The following MIGA1 variants were observed in gnomAD, a reference collection of about 807,000 sequenced individuals.
The protein encoded by MIGA1 is mitoguardin 1, also known as family with sequence similarity 73, member A.
A neutral mutation model predicts 82.0 loss-of-function variants in MIGA1; 58 were observed. The observed-to-expected ratio is 0.71, with a 90% CI of 0.57 to 0.88. The LOEUF is 0.88. Ranked by LOEUF, MIGA1 falls within the 40% of genes least tolerant of loss-of-function variation. The pLI, the probability that MIGA1 is intolerant of heterozygous loss-of-function variation, is 0.00. For missense variants in MIGA1, 751 were observed against 749.1 expected (o/e 1.00, Z -0.03); for synonymous variants, 249 against 253.6 (o/e 0.98, Z 0.17).
chr1:77,780,808 G>T (rs1681872443), intron 1 of MIGA1, among the ~76,000 whole-genome samples: 1 of 150,924 alleles, frequency 6.6e-6, no homozygotes, highest in Non-Finnish European at 1.5e-5. Flanking sequence ...AATGAATAAT[G>T]ATTAGGTTTG....
At chr1:77,801,133 A>G (rs1373563909) in intron 2 of MIGA1, among the ~76,000 whole-genome samples, 198 bp from the exon 3 acceptor site, 1 of 152,214 alleles carries the variant, frequency 6.6e-6, no homozygotes, top group Admixed American at 6.5e-5. Context: ...TCTTCAGAGT[A>G]GTGAGTAATA....
At chr1:77,814,529 TG>T in intron 6 of MIGA1, among the ~76,000 whole-genome samples, 1 of 152,340 alleles carries the variant, frequency 6.6e-6, no homozygotes, top group East Asian at 1.9e-4. Context: ...CCCAAGCAGC[TG>T]GGACTGCAGG....
rs938962617 is a variant in MIGA1, at chr1:77,871,454, A to G, written c.1564-1550A>G. Among the ~76,000 whole-genome samples, 48 of 151,976 alleles carry G rather than the reference A, an allele frequency of 3.2e-4. 1 individual carries two copies. Among genetic ancestry groups the G allele is most frequent in the Non-Finnish European group, 1.0e-4 (7 of 67,970 alleles). On this transcript the variant is annotated intron_variant, in intron 14 of 15. Coordinates refer to ENST00000370791, the MANE Select transcript of MIGA1 (RefSeq NM_198549.4). ...GAGGCAGAGGTTGCAGTGAGCCAAG[A>G]TGGTGCCACTGCACTCCAGCCTGGG...
intron 14 of MIGA1, among the ~76,000 whole-genome samples, chr1:77,868,906 AC>A (rs1282807225): frequency 6.6e-6 from 1 of 151,632 alleles, no homozygotes. Context: ...TTAAATAGAA[AC>A]TAGCACATTT....
chr1:77,809,742 A>G (rs1045517505), intron 5 of MIGA1, among the ~76,000 whole-genome samples: 1 of 142,098 alleles, frequency 7.0e-6, no homozygotes, highest in Non-Finnish European at 1.5e-5. Flanking sequence ...ATTGGTTTTT[A>G]TGTGCATAAA....
chr1:77,814,549 A>G (rs1368009945), intron 6 of MIGA1, among the ~76,000 whole-genome samples: 2 of 151,964 alleles, frequency 1.3e-5, no homozygotes, highest in Non-Finnish European at 2.9e-5. Flanking sequence ...GGCACATTCT[A>G]CCTTGTCTGG....
chr1:77,842,838 G>C (rs1046713329), intron 7 of MIGA1, among the ~76,000 whole-genome samples: 1 of 152,160 alleles, frequency 6.6e-6, no homozygotes, highest in Admixed American at 6.5e-5. Flanking sequence ...CACTGCACCC[G>C]GCCGTGAATT....
intron 5 of MIGA1, among the ~76,000 whole-genome samples, chr1:77,812,195 G>A (rs568843591): frequency 3.3e-5 from 5 of 152,240 alleles, no homozygotes; most frequent in African/African-American, 1.2e-4. Flanking sequence ...GAGGCTGGGT[G>A]TGGTGGCTCA....
chr1:77,872,891 A>G, intron 14 of MIGA1, 113 bp from the exon 15 acceptor site: 1 of 1,416,426 alleles, frequency 7.1e-7, no homozygotes, highest in Non-Finnish European at 9.7e-7. Context: ...TAAAAAACAA[A>G]TTTTCTTAAA....
At chr1:77,808,057 T>G (rs1042857987) in intron 5 of MIGA1, among the ~76,000 whole-genome samples, 5 of 151,994 alleles carry the variant, frequency 3.3e-5, no homozygotes, top group Admixed American at 6.6e-5. Context: ...TGAGCTCAGT[T>G]GATTTACCCG....
At chr1:77,864,084 G>T in intron 13 of MIGA1, 56 bp downstream of exon 13, 11 of 1,572,322 alleles carry the variant, frequency 7.0e-6, no homozygotes, top group Non-Finnish European at 9.5e-6. Flanking sequence ...AGTGAGGCTG[G>T]GCGCAGTAGC....
intron 7 of MIGA1, among the ~76,000 whole-genome samples, chr1:77,820,475 A>G (rs1683761223): frequency 6.6e-6 from 1 of 152,152 alleles, no homozygotes; most frequent in South Asian, 2.1e-4. Flanking sequence ...TAACATATAG[A>G]GTACCAATTT....
chr1:77,865,860 AC>A (rs1456009077), intron 13 of MIGA1, among the ~76,000 whole-genome samples: 2 of 151,832 alleles, frequency 1.3e-5, no homozygotes, highest in African/African-American at 4.8e-5. Flanking sequence ...AAAATGAAAT[AC>A]CTTTTCATTA....
rs545051687 is a variant in MIGA1, at chr1:77,857,351, CTTGTA to C, written c.997-1569_997-1565del. On this transcript the variant is annotated intron_variant, in intron 8 of 15. Transcript: ENST00000370791. ...TTTTTTTTTTGTTTTTGCTTTGTAACTTGTATTGTATTGTATTGTATTTATGTATT... is the reference window on the plus strand; with the variant it reads ...TTTTTTTTTTGTTTTTGCTTTGTAACTTGTATTGTATTGTATTTATGTATT... Among the ~76,000 whole-genome samples the C allele has an allele frequency of 3.4e-5, 5 of 148,844 alleles. No individual in the cohort carries two copies. The East Asian group carries it at 5.9e-4, about 18-fold the overall frequency.
intron 14 of MIGA1, among the ~76,000 whole-genome samples, chr1:77,869,593 C>G (rs570334371): frequency 2.1e-5 from 3 of 144,350 alleles, no homozygotes; most frequent in African/African-American, 5.2e-5. Context: ...ACCACCCTCC[C>G]GGACGAGGCG....
intron 7 of MIGA1, among the ~76,000 whole-genome samples, chr1:77,837,794 A>G (rs990467425): frequency 2.0e-5 from 3 of 152,204 alleles, no homozygotes; most frequent in Admixed American, 6.5e-5. Context: ...GCAGAGCTGG[A>G]GAAAAAAGGT....
intron 2 of MIGA1, among the ~76,000 whole-genome samples, chr1:77,800,062 G>A: frequency 6.6e-6 from 1 of 152,098 alleles, no homozygotes; most frequent in South Asian, 2.1e-4. Flanking sequence ...TGCATCCACA[G>A]TTTAAGGCTT....
chr1:77,829,759 C>G, intron 7 of MIGA1, among the ~76,000 whole-genome samples: 1 of 152,126 alleles, frequency 6.6e-6, no homozygotes, highest in Non-Finnish European at 1.5e-5. Context: ...GCGTGACCCA[C>G]TGCGCCCGGC....
rs768575519 is a variant in MIGA1, at chr1:77,874,943, T to A, written c.1778T>A (p.Ile593Asn). 4.3e-6 allele frequency: 7 copies of A among 1,614,148 alleles called. No homozygotes were observed. The South Asian group carries it at 5.5e-5, about 13-fold the overall frequency. The change falls in exon 16 of 16, where the codon ATT becomes AAT. Residue 593 changes from isoleucine (I) to asparagine (N), a missense_variant. By Grantham distance (149) the Ile-to-Asn change is moderately radical. Coordinates refer to ENST00000370791, the MANE Select transcript of MIGA1 (RefSeq NM_198549.4). The stretch of plus-strand genomic sequence containing the variant: ...GCTGAAGACCTCATGCAGTTACTCA[T>A]TCGCCGCACTGAGCTTTTAATGGCC...
Sources: allele counts gnomAD v4.1 joint callset (sites outside exome capture counted in the v4.1 genomes callset), GRCh38; gene constraint gnomAD v4.1.1; transcripts MANE v1.5; gene names NCBI Gene and HGNC (gene_info 2026-07-23, HGNC 2026-07-21).